Variants in DPP10 observed in about 807,000 individuals in gnomAD.
DPP10 encodes the protein dipeptidyl peptidase like 10, also known as inactive dipeptidyl peptidase 10.
A neutral mutation model predicts 120.9 loss-of-function variants in DPP10; 33 were observed. The observed-to-expected ratio is 0.27, with a 90% CI of 0.21 to 0.37. The LOEUF (loss-of-function observed/expected upper bound fraction) is 0.37, where lower values mean the gene tolerates loss of function less well. DPP10 is among the 10% of genes least tolerant of loss of function. DPP10 has a pLI of 1.00. For synonymous variants in DPP10, 337 were observed against 326.1 expected, an observed-to-expected ratio of 1.03 and a Z score of -0.36; for missense variants, 816 against 942.8, an observed-to-expected ratio of 0.87 and a Z score of 1.76.
At chr2:114,768,570 C>T (rs191070787) in intron 1 of DPP10, among the ~76,000 whole-genome samples, 7 of 152,226 alleles carry the variant, frequency 4.6e-5, no homozygotes, top group Admixed American at 3.9e-4. Flanking sequence ...TAGATTGGAT[C>T]CTCCTGGATA....
rs191851225 is a variant in DPP10 at position 115,158,136 on chromosome 2, C to A, written c.61-151103C>A. Among the ~76,000 whole-genome samples the A allele has an allele frequency of 8.9e-4, 136 of 152,282 alleles. 1 individual carries two copies. The highest frequency in any genetic ancestry group is 2.7e-3 in the African/African-American group (111 of 41,570). On this transcript the variant is annotated intron_variant, in intron 1 of 25. Transcript: ENST00000410059. ...GTTGTTTTTAGAGTAAATTTTGGTT[C>A]TTTGGTCCTTTGTCTGCTATTTGAG...
intron 9 of DPP10, among the ~76,000 whole-genome samples, chr2:115,745,352 A>G (rs1677818665): frequency 6.6e-6 from 1 of 150,556 alleles, no homozygotes; most frequent in African/African-American, 2.4e-5. Context: ...ACTATGTGCC[A>G]GAAACGTACC....
chr2:114,622,217 G>A (rs1694144650), intron 1 of DPP10, among the ~76,000 whole-genome samples: 1 of 151,898 alleles, frequency 6.6e-6, no homozygotes, highest in Non-Finnish European at 1.5e-5. Context: ...GTGGTATATG[G>A]TAGATACTTC....
chr2:114,671,753 C>T (rs1270977024), intron 1 of DPP10, among the ~76,000 whole-genome samples: 1 of 152,078 alleles, frequency 6.6e-6, no homozygotes, highest in African/African-American at 2.4e-5. Context: ...GGTTGTGTTA[C>T]AGGTATTTTA....
At chr2:114,633,000 T>C (rs886383773) in intron 1 of DPP10, among the ~76,000 whole-genome samples, 5 of 151,966 alleles carry the variant, frequency 3.3e-5, no homozygotes, top group Non-Finnish European at 7.4e-5. Context: ...ACCTCAGACA[T>C]AGAATTAGCT....
chr2:115,169,614 A>G (rs2053163784), intron 1 of DPP10, among the ~76,000 whole-genome samples: 1 of 152,144 alleles, frequency 6.6e-6, no homozygotes, highest in African/African-American at 2.4e-5. Flanking sequence ...TTCATGGTTT[A>G]ATATTCTCTT....
intron 1 of DPP10, among the ~76,000 whole-genome samples, chr2:114,565,293 G>A (rs996175699): frequency 6.6e-6 from 1 of 152,164 alleles, no homozygotes; most frequent in African/African-American, 2.4e-5. Context: ...GGTATAGTGC[G>A]TGACATGAAA....
intron 1 of DPP10, among the ~76,000 whole-genome samples, chr2:114,831,933 C>T (rs1455464041): frequency 1.3e-5 from 2 of 149,500 alleles, no homozygotes; most frequent in Non-Finnish European, 3.0e-5. Context: ...CTGTCCAAAC[C>T]TCTCTTCTCT....
chr2:115,840,319 G>GTTTT (rs1310199623), intron 24 of DPP10, among the ~76,000 whole-genome samples: 17,438 of 79,386 alleles, frequency 0.22, 6,978 homozygotes, highest in Non-Finnish European at 0.26. Flanking sequence ...AGGTTTTTTG[G>GTTTT]TTTTTTTTTT....
At chr2:115,317,690 T>C (rs2061862936) in intron 2 of DPP10, among the ~76,000 whole-genome samples, 1 of 151,824 alleles carries the variant, frequency 6.6e-6, no homozygotes, top group South Asian at 2.1e-4. Context: ...TCTCATTTGG[T>C]TTTAATTTGC....
intron 7 of DPP10, among the ~76,000 whole-genome samples, chr2:115,711,409 G>A (rs2092310978): frequency 6.6e-6 from 1 of 152,086 alleles, no homozygotes; most frequent in South Asian, 2.1e-4. Context: ...CTACGTATTT[G>A]CAGAGATTAT....
intron 1 of DPP10, among the ~76,000 whole-genome samples, chr2:114,655,795 A>G (rs986425548): frequency 6.6e-6 from 1 of 152,176 alleles, no homozygotes. Context: ...TTAAAAAAAG[A>G]TATTTCACAG....
At chr2:115,410,576 G>A (rs1017848596) in intron 3 of DPP10, among the ~76,000 whole-genome samples, 2 of 152,178 alleles carry the variant, frequency 1.3e-5, no homozygotes, top group Non-Finnish European at 2.9e-5. Flanking sequence ...CATGGCACAC[G>A]TTAACCTGTG....
At chr2:115,786,513 TA>T (rs550488693) in intron 17 of DPP10, among the ~76,000 whole-genome samples, 189 of 150,116 alleles carry the variant, frequency 1.3e-3, no homozygotes, top group African/African-American at 4.0e-3. Flanking sequence ...TTAATAATAA[TA>T]AAAAAAAAGA....
chr2:115,161,724 G>C, intron 1 of DPP10: 1 of 393,420 alleles, frequency 2.5e-6, no homozygotes. Context: ...GGTGGCGGGG[G>C]GCGGGGAGAG....
chr2:115,161,897 T>C (rs902822146), intron 1 of DPP10: 77 of 1,413,062 alleles, frequency 5.4e-5, no homozygotes, highest in Non-Finnish European at 6.9e-5. Flanking sequence ...CGCTGCCAAG[T>C]GACGGTCCCC....
intron 5 of DPP10, among the ~76,000 whole-genome samples, chr2:115,565,764 GTTTTGTTTTT>G (rs1197864322): frequency 7.2e-6 from 1 of 139,660 alleles, no homozygotes; most frequent in Admixed American, 7.2e-5. Context: ...TTTTTTGTTT[GTTTTGTTTTT>G]TTTTGTTTTT....
At chr2:115,633,144 T>C (rs1044217472) in intron 5 of DPP10, among the ~76,000 whole-genome samples, 4 of 152,292 alleles carry the variant, frequency 2.6e-5, no homozygotes, top group African/African-American at 7.2e-5. Context: ...ATGTTTATTA[T>C]GGCACTATTC....
chr2:114,649,379 TGCTC>T (rs1285161105), intron 1 of DPP10, among the ~76,000 whole-genome samples: 3 of 151,566 alleles, frequency 2.0e-5, no homozygotes, highest in Non-Finnish European at 4.4e-5. Context: ...GATGGAGTCT[TGCTC>T]TGTCACCCAG....
Sources: allele counts gnomAD v4.1 joint callset (sites outside exome capture counted in the v4.1 genomes callset), GRCh38; gene constraint gnomAD v4.1.1; transcripts MANE v1.5; gene names NCBI Gene and HGNC (gene_info 2026-07-23, HGNC 2026-07-21).